Variants in ADAM12 observed in about 807,000 individuals in gnomAD.
ADAM12 encodes disintegrin and metalloproteinase domain-containing protein 12.
A neutral mutation model predicts 106.4 loss-of-function variants in ADAM12; 70 were observed. The ratio of observed to expected loss-of-function variants is 0.66; its 90% CI spans 0.54 to 0.80. The LOEUF (loss-of-function observed/expected upper bound fraction) is 0.80, where lower values mean the gene tolerates loss of function less well. Ranked by LOEUF, ADAM12 falls within the 30% of genes least tolerant of loss-of-function variation. The probability of loss-of-function intolerance (pLI) is 0.00; values close to 1 mark genes in which losing one functional copy is unlikely to be tolerated. For synonymous variants in ADAM12, 420 were observed against 433.5 expected, an observed-to-expected ratio of 0.97 and a Z score of 0.39; for missense variants, 1,010 against 1,171.9, an observed-to-expected ratio of 0.86 and a Z score of 2.02.
intron 3 of ADAM12, among the ~76,000 whole-genome samples, chr10:126,206,863 G>GGGC (rs1957808164): frequency 2.0e-5 from 3 of 147,928 alleles, no homozygotes; most frequent in Admixed American, 1.3e-4. Flanking sequence ...GTGGGGGCGG[G>GGGC]GGGGAGCCAG....
At chr10:126,115,604 T>A (rs554933182) in intron 6 of ADAM12, among the ~76,000 whole-genome samples, 68 of 152,340 alleles carry the variant, frequency 4.5e-4, no homozygotes, top group African/African-American at 1.6e-3. Context: ...CCTGATGCTC[T>A]GTGAAGAAAA....
intron 11 of ADAM12, among the ~76,000 whole-genome samples, chr10:126,076,978 C>A (rs1183184543): frequency 6.6e-6 from 1 of 152,150 alleles, no homozygotes; most frequent in Non-Finnish European, 1.5e-5. Flanking sequence ...TCTTTGCTGA[C>A]AATATAATTC....
intron 3 of ADAM12, among the ~76,000 whole-genome samples, chr10:126,250,763 T>C (rs1958730506): frequency 6.6e-6 from 1 of 152,222 alleles, no homozygotes; most frequent in African/African-American, 2.4e-5. Context: ...TGGAAAGATT[T>C]TGCAAGCCTC....
intron 5 of ADAM12, among the ~76,000 whole-genome samples, chr10:126,120,720 G>A (rs1956069234): frequency 6.6e-6 from 1 of 151,624 alleles, no homozygotes; most frequent in Non-Finnish European, 1.5e-5. Flanking sequence ...TTTTCCTTCA[G>A]TTCAGCATGT....
chr10:126,227,992 G>A (rs1958233468), intron 3 of ADAM12, among the ~76,000 whole-genome samples: 1 of 152,042 alleles, frequency 6.6e-6, no homozygotes, highest in African/African-American at 2.4e-5. Flanking sequence ...TTCCTGTGAT[G>A]ATTCCCCTGG....
At chr10:126,156,885 T>G (rs974702356) in intron 3 of ADAM12, among the ~76,000 whole-genome samples, 1 of 152,216 alleles carries the variant, frequency 6.6e-6, no homozygotes, top group Non-Finnish European at 1.5e-5. Flanking sequence ...AAACAGAACC[T>G]GGGTTTTCTG....
chr10:126,362,540 A>T (rs1216640388), intron 1 of ADAM12, among the ~76,000 whole-genome samples: 2 of 152,184 alleles, frequency 1.3e-5, no homozygotes, highest in Non-Finnish European at 2.9e-5. Flanking sequence ...CAAGTTATAG[A>T]ATTAACCCAA....
At chr10:126,203,699 A>G (rs563506924) in intron 3 of ADAM12, among the ~76,000 whole-genome samples, 1 of 152,298 alleles carries the variant, frequency 6.6e-6, no homozygotes, top group South Asian at 2.1e-4. Flanking sequence ...TTTGAGGTAA[A>G]ATTTTCCTTC....
At chr10:126,098,298 A>C in intron 10 of ADAM12, 118 bp downstream of exon 10, 1 of 811,862 alleles carries the variant, frequency 1.2e-6, no homozygotes, top group Non-Finnish European at 2.0e-6. Context: ...CAGTAAAAAT[A>C]GAGTTAAATC....
chr10:126,233,753 A>G (rs1171133759), intron 3 of ADAM12, among the ~76,000 whole-genome samples: 1 of 152,202 alleles, frequency 6.6e-6, no homozygotes, highest in Non-Finnish European at 1.5e-5. Context: ...CTCCACTCGC[A>G]TATTTTAAGG....
chr10:126,250,878 T>C (rs559766126), intron 3 of ADAM12, among the ~76,000 whole-genome samples: 2 of 152,388 alleles, frequency 1.3e-5, no homozygotes, highest in South Asian at 2.1e-4. Flanking sequence ...TCATTAGCTT[T>C]TTATTTGGAA....
At chr10:126,132,537 C>CAA (rs1565083594) in intron 5 of ADAM12, among the ~76,000 whole-genome samples, 15 of 66,606 alleles carry the variant, frequency 2.3e-4, no homozygotes, top group Non-Finnish European at 3.4e-4. Context: ...CCCCCCCCCT[C>CAA]AACTAGTCCA....
chr10:126,201,963 A>G (rs1202430026), intron 3 of ADAM12, among the ~76,000 whole-genome samples: 1 of 152,232 alleles, frequency 6.6e-6, no homozygotes, highest in African/African-American at 2.4e-5. Flanking sequence ...GTCCAGGGAA[A>G]GAATGGGCGG....
chr10:126,385,646 A>C (rs573458951), intron 1 of ADAM12, among the ~76,000 whole-genome samples: 7 of 152,212 alleles, frequency 4.6e-5, no homozygotes, highest in Non-Finnish European at 8.8e-5. Flanking sequence ...AAGTCTTCTT[A>C]GTGCAAACAT....
intron 12 of ADAM12, among the ~76,000 whole-genome samples, chr10:126,069,419 G>A (rs185851970): frequency 2.2e-4 from 33 of 152,152 alleles, no homozygotes; most frequent in African/African-American, 6.8e-4. Flanking sequence ...GACCTTAACC[G>A]CAGAAATACA....
At chr10:126,374,888 C>T (rs529642650) in intron 1 of ADAM12, among the ~76,000 whole-genome samples, 18 of 152,082 alleles carry the variant, frequency 1.2e-4, no homozygotes, top group East Asian at 9.7e-4. Context: ...TAAAAACACA[C>T]GAATAAAATA....
chr10:126,208,977 T>C (rs1106955), intron 3 of ADAM12, among the ~76,000 whole-genome samples: 35,696 of 152,130 alleles, frequency 0.23, 4,376 homozygotes, highest in African/African-American at 0.29. Flanking sequence ...CTCTGAGAAT[T>C]GTCAAATGAC....
At chr10:126,042,350 GC>G in intron 18 of ADAM12, 1 of 1,377,886 alleles carries the variant, frequency 7.3e-7, no homozygotes, top group African/African-American at 1.4e-5. Context: ...AGGAGAAATG[GC>G]CACGAGTTCA....
intron 2 of ADAM12, among the ~76,000 whole-genome samples, chr10:126,280,511 A>G (rs1033171842): frequency 6.6e-6 from 1 of 152,226 alleles, no homozygotes; most frequent in African/African-American, 2.4e-5. Flanking sequence ...GCACAGATAT[A>G]GAGCATTTCT....
Sources: gnomAD v4.1 joint callset for allele counts (sites outside exome capture counted in the v4.1 genomes callset) on GRCh38, gnomAD v4.1.1 for gene constraint, MANE v1.5 for transcripts, NCBI Gene and HGNC (gene_info 2026-07-23, HGNC 2026-07-21) for gene names.